SLF1: variants seen among roughly 807,000 people sequenced by gnomAD.
SLF1 encodes the protein SMC5/6 complex localization factor 1, also known as SMC5-SMC6 complex localization factor protein 1.
SLF1 carries 105 observed loss-of-function variants against 123.0 expected under a neutral mutation model. That is an observed-to-expected ratio of 0.85 (90% CI 0.73 to 1.00). The LOEUF is 1.00. Among genes scored for constraint, SLF1 ranks in the 50% least tolerant of loss-of-function variants. SLF1 has a pLI of 0.00. For missense variants in SLF1, 1,239 were observed against 1,223.0 expected, an observed-to-expected ratio of 1.01 and a Z score of -0.20; for synonymous variants, 434 against 406.6, an observed-to-expected ratio of 1.07 and a Z score of -0.81.
chr5:94,668,527 A>C (rs1489822553), intron 12 of SLF1, among the ~76,000 whole-genome samples: 1 of 151,610 alleles, frequency 6.6e-6, no homozygotes, highest in South Asian at 2.1e-4. Context: ...GTAGAGATGG[A>C]GTTTTACCAT....
chr5:94,677,579 G>A (rs906373411), intron 14 of SLF1, among the ~76,000 whole-genome samples: 2 of 152,070 alleles, frequency 1.3e-5, no homozygotes, highest in Non-Finnish European at 2.9e-5. Context: ...ATCTATTACT[G>A]TAGCATTTAT....
rs1484888035 is a variant in SLF1, at chr5:94,630,490, A to C, written c.191-13A>C. 6.5e-7 allele frequency: 1 copy of C among 1,538,508 alleles called. No individual in the cohort carries two copies. The highest frequency in any genetic ancestry group is 1.2e-5 in the South Asian group (1 of 83,046). ...AAAATTCCTTTGTGACTGACAGCTC[A>C]TTTGCTTTCTAGGAAAGTGGATACT... is the stretch of plus-strand genomic sequence containing the variant. On this transcript the variant is annotated splice_polypyrimidine_tract_variant and intron_variant, in intron 3 of 20. Coordinates refer to ENST00000265140, the MANE Select transcript of SLF1 (RefSeq NM_032290.4).
intron 1 of SLF1, among the ~76,000 whole-genome samples, chr5:94,626,955 A>G (rs1792304374): frequency 6.6e-6 from 1 of 152,234 alleles, no homozygotes; most frequent in African/African-American, 2.4e-5. Context: ...AACTATAAGC[A>G]AGGAAATAAA....
chr5:94,657,882 C>T (rs1474321363), intron 9 of SLF1, among the ~76,000 whole-genome samples: 8 of 152,008 alleles, frequency 5.3e-5, no homozygotes, highest in Middle Eastern at 3.4e-3. Context: ...CTTTGGTTTC[C>T]GTTCTTGTGG....
rs1266309690 is a variant in SLF1, at chr5:94,692,207, A to C, written c.2646A>C (p.Ala882=). ...QVDGVTPLHD[A]LSNGHVEIGK... ...ACGGGGTGACTCCTTTGCATGATGC[A>C]CTGTCAAACGGACATGTAGAAATTG... Residue 882 remains alanine (A), a synonymous_variant, in exon 20 of 21, where the codon GCA becomes GCC. Coordinates refer to ENST00000265140, the MANE Select transcript of SLF1 (RefSeq NM_032290.4). 4 of 1,613,848 alleles carry C rather than the reference A, an allele frequency of 2.5e-6. No homozygotes were observed. Among genetic ancestry groups the C allele is most frequent in the Non-Finnish European group, 8.5e-7 (1 of 1,179,804 alleles).
Position 94,696,244 on chromosome 5 carries a change from A to G in SLF1, c.*932A>G, listed in dbSNP as rs1045553946. 6.6e-6 allele frequency: 1 copy of G among 151,816 alleles called. No individual in the cohort carries two copies. Among genetic ancestry groups the G allele is most frequent in the Admixed American group, 6.6e-5 (1 of 15,198 alleles). 9.4% of individuals were successfully genotyped at this position (151,816 alleles called of 1,614,324 possible). On this transcript the variant is annotated 3_prime_UTR_variant, in exon 21 of 21. Transcript: ENST00000265140. ...TACTGGGAGTAAGTTACATTATGAT[A>G]CAGGTGGAAAATAAACACTTCCATT...
chr5:94,635,454 C>G (rs2152469567), intron 4 of SLF1, among the ~76,000 whole-genome samples: 1 of 144,230 alleles, frequency 6.9e-6, no homozygotes, highest in Middle Eastern at 3.8e-3. Context: ...AAGGAACTTA[C>G]TGCTGCCATT....
Position 94,695,482 on chromosome 5 carries a change from T to G in SLF1, c.*170T>G, listed in dbSNP as rs1753462461. 1.5e-6 allele frequency: 1 copy of G among 684,026 alleles called. No homozygotes were observed. Among genetic ancestry groups the G allele is most frequent in the Non-Finnish European group, 2.1e-6 (1 of 466,092 alleles). The allele number at this position is 684,026 out of a possible 1,614,324, so 42.4% of individuals were successfully genotyped here. ...TAAAAAAACTTCTACAAAACTCTAG[T>G]ATGGGCTTCTGACTTTTTCCAGGGT... On this transcript the variant is annotated 3_prime_UTR_variant, in exon 21 of 21. Coordinates refer to ENST00000265140, the MANE Select transcript of SLF1 (RefSeq NM_032290.4).
intron 15 of SLF1, among the ~76,000 whole-genome samples, chr5:94,680,578 A>G (rs914869957): frequency 2.0e-5 from 3 of 152,314 alleles, no homozygotes; most frequent in African/African-American, 7.2e-5. Flanking sequence ...TTGGAGACCT[A>G]GTAGAGGATT....
At chr5:94,679,085 A>C in intron 15 of SLF1, 130 bp downstream of exon 15, 4 of 947,850 alleles carry the variant, frequency 4.2e-6, no homozygotes, top group Middle Eastern at 6.2e-4. Flanking sequence ...GGATGCACGC[A>C]CACATAGATT....
At position 94,683,760 on chromosome 5, in the gene SLF1, A is replaced by G. The variant is rs75650088; in HGVS notation, c.1976-2813A>G. 4.1e-3 allele frequency among the ~76,000 whole-genome samples: 630 copies of G among 152,354 alleles called. 4 individuals are homozygous for G. Among genetic ancestry groups the G allele is most frequent in the African/African-American group, 0.015 (609 of 41,572 alleles). On this transcript the variant is annotated intron_variant, in intron 15 of 20. Coordinates refer to ENST00000265140, the MANE Select transcript of SLF1 (RefSeq NM_032290.4). ...AAGCCTTGTTAAGGAGTTAGAAGCTATTGAAACAAGAGAGTAGCATGATCT... is the reference window on the plus strand; with the variant it reads ...AAGCCTTGTTAAGGAGTTAGAAGCTGTTGAAACAAGAGAGTAGCATGATCT...
intron 15 of SLF1, among the ~76,000 whole-genome samples, chr5:94,685,657 G>GT (rs1752331021): frequency 6.6e-6 from 1 of 151,992 alleles, no homozygotes. Flanking sequence ...GGCTCTTGGT[G>GT]TTTTCTTGTT....
chr5:94,684,862 C>T (rs1421458387), intron 15 of SLF1, among the ~76,000 whole-genome samples: 1 of 152,172 alleles, frequency 6.6e-6, no homozygotes, highest in Non-Finnish European at 1.5e-5. Flanking sequence ...GACAAGCTGC[C>T]ACAAGGCAAG....
intron 1 of SLF1, among the ~76,000 whole-genome samples, chr5:94,621,963 C>A (rs1166695370): frequency 4.6e-5 from 7 of 151,894 alleles, no homozygotes; most frequent in Non-Finnish European, 7.4e-5. Context: ...GAAATAGACA[C>A]TGTGTCTTTA....
chr5:94,682,386 C>A (rs1407549792), intron 15 of SLF1, among the ~76,000 whole-genome samples: 1 of 152,054 alleles, frequency 6.6e-6, no homozygotes, highest in Non-Finnish European at 1.5e-5. Context: ...ATTTATTTTG[C>A]ATTATTCTTC....
At chr5:94,668,410 T>C (rs1038260664) in intron 12 of SLF1, among the ~76,000 whole-genome samples, 1 of 151,830 alleles carries the variant, frequency 6.6e-6, no homozygotes, top group African/African-American at 2.4e-5. Context: ...CTCGGCTCAC[T>C]GCAACCTCCG....
Position 94,654,757 on chromosome 5 carries a change from A to G in SLF1, c.1155+5A>G, listed in dbSNP as rs1748172953. On this transcript the variant is annotated splice_donor_5th_base_variant and intron_variant, in intron 9 of 20. Transcript: ENST00000265140. ...AAGCACATATATAGAGCTCAGGTAA[A>G]ACTTGGCACATGAAAAATTTTGTAT... 6.7e-7 allele frequency: 1 copy of G among 1,490,800 alleles called. No individual in the cohort carries two copies. The allele number at this position is 1,490,800 out of a possible 1,614,324, so 92.3% of individuals were successfully genotyped here. A position where few individuals can be genotyped will look rare whatever the true frequency, so the allele number is the denominator to read the frequency against.
chr5:94,625,617 A>G (rs561087044), intron 1 of SLF1, among the ~76,000 whole-genome samples: 64 of 152,166 alleles, frequency 4.2e-4, no homozygotes, highest in Middle Eastern at 3.4e-3. Flanking sequence ...TCCTGACCTC[A>G]GGTGATCCAC....
chr5:94,656,565 G>A (rs1748403292), intron 9 of SLF1, among the ~76,000 whole-genome samples: 1 of 151,976 alleles, frequency 6.6e-6, no homozygotes, highest in African/African-American at 2.4e-5. Flanking sequence ...AAAAAGTGCT[G>A]TTGATAGTTC....
Sources: gnomAD v4.1 joint callset for allele counts (sites outside exome capture counted in the v4.1 genomes callset) on GRCh38, gnomAD v4.1.1 for gene constraint, MANE v1.5 for transcripts, NCBI Gene and HGNC (gene_info 2026-07-23, HGNC 2026-07-21) for gene names.